SGTB: variants seen among roughly 807,000 people sequenced by gnomAD.
The protein encoded by SGTB is small glutamine-rich tetratricopeptide repeat-containing protein beta.
SGTB carries 19 observed loss-of-function variants against 43.9 expected under a neutral mutation model. The ratio of observed to expected loss-of-function variants is 0.43; its 90% CI spans 0.30 to 0.63. The LOEUF (loss-of-function observed/expected upper bound fraction) is 0.63, where lower values mean the gene tolerates loss of function less well. Among genes scored for constraint, SGTB ranks in the 30% least tolerant of loss-of-function variants. The pLI is 0.12. For missense variants in SGTB, 304 were observed against 358.9 expected, an observed-to-expected ratio of 0.85 and a Z score of 1.24; for synonymous variants, 116 against 117.3, an observed-to-expected ratio of 0.99 and a Z score of 0.07.
chr5:65,670,109 A>G lies in SGTB; in HGVS notation c.*137T>C, dbSNP rs1265988501. ...GATTTATTCTTTAAGAATATACACA[A>G]GAGGTTTTCCTCCATTATTTTCACA... On this transcript the variant is annotated 3_prime_UTR_variant, in exon 11 of 11. Coordinates refer to ENST00000381007, the MANE Select transcript of SGTB (RefSeq NM_019072.3). 2 of 651,000 alleles carry G rather than the reference A, an allele frequency of 3.1e-6. No individual in the cohort carries two copies. The highest frequency in any genetic ancestry group is 5.5e-5 in the East Asian group (2 of 36,642). The allele number at this position is 651,000 out of a possible 1,614,324, so 40.3% of individuals were successfully genotyped here. A position where few individuals can be genotyped will look rare whatever the true frequency, so the allele number is the denominator to read the frequency against.
At chr5:65,713,198 G>A (rs1203476142) in intron 2 of SGTB, 134 bp from the exon 3 acceptor site, 4 of 612,570 alleles carry the variant, frequency 6.5e-6, no homozygotes, top group Non-Finnish European at 1.1e-5. Context: ...CATTGGTTCA[G>A]CTGCAAAGAA....
intron 10 of SGTB, among the ~76,000 whole-genome samples, chr5:65,671,017 T>C (rs1757143937): frequency 6.6e-6 from 1 of 152,216 alleles, no homozygotes; most frequent in African/African-American, 2.4e-5. Context: ...AATGAGAAGA[T>C]GCAAGTAGTT....
chr5:65,688,393 A>C (rs1419744633), intron 5 of SGTB, among the ~76,000 whole-genome samples: 3 of 152,210 alleles, frequency 2.0e-5, no homozygotes, highest in Admixed American at 6.5e-5. Context: ...CAAATGCCTC[A>C]ATCTCATCTC....
rs554513980 is a variant in SGTB at position 65,670,105 on chromosome 5, C to T, written c.*141G>A. ...AACAGATTTATTCTTTAAGAATATA[C>T]ACAAGAGGTTTTCCTCCATTATTTT... is the stretch of plus-strand genomic sequence containing the variant. On this transcript the variant is annotated 3_prime_UTR_variant, in exon 11 of 11. Transcript: ENST00000381007. The T allele has an allele frequency of 7.9e-6, 5 of 634,520 alleles. No homozygotes were observed. In the South Asian group the frequency reaches 8.5e-5, roughly 11 times the overall value. The allele number at this position is 634,520 out of a possible 1,614,324, so 39.3% of individuals were successfully genotyped here.
chr5:65,675,378 T>C (rs1757247414), intron 8 of SGTB, among the ~76,000 whole-genome samples: 1 of 152,206 alleles, frequency 6.6e-6, no homozygotes, highest in East Asian at 1.9e-4. Flanking sequence ...GGACCACTTT[T>C]ATGTAAGAGA....
At chr5:65,704,048 A>AT (rs1757878937) in intron 5 of SGTB, among the ~76,000 whole-genome samples, 7 of 149,024 alleles carry the variant, frequency 4.7e-5, no homozygotes, top group South Asian at 2.1e-4. Context: ...AAAAAAAAAA[A>AT]AAAATAAATA....
intron 5 of SGTB, among the ~76,000 whole-genome samples, chr5:65,697,937 C>G (rs568476780): frequency 8.5e-5 from 13 of 152,244 alleles, no homozygotes; most frequent in Admixed American, 3.3e-4. Flanking sequence ...AAAACCGTTA[C>G]GCTGAGCAAA....
At chr5:65,681,444 A>G (rs1209186447) in intron 6 of SGTB, among the ~76,000 whole-genome samples, 4 of 152,136 alleles carry the variant, frequency 2.6e-5, no homozygotes, top group Non-Finnish European at 5.9e-5. Context: ...GAACTAAACA[A>G]TAACTGTATA....
At chr5:65,704,097 C>T (rs190623069) in intron 5 of SGTB, among the ~76,000 whole-genome samples, 182 bp downstream of exon 5, 2 of 151,154 alleles carry the variant, frequency 1.3e-5, no homozygotes, top group African/African-American at 4.8e-5. Flanking sequence ...ACAAAATATG[C>T]TAACAGATTA....
chr5:65,713,845 T>C (rs1758095227), intron 2 of SGTB, among the ~76,000 whole-genome samples: 1 of 151,986 alleles, frequency 6.6e-6, no homozygotes, highest in African/African-American at 2.4e-5. Flanking sequence ...CTGGGTAACA[T>C]GGCGAAACCC....
At chr5:65,680,037 A>C (rs889795234) in intron 8 of SGTB, among the ~76,000 whole-genome samples, 2 of 152,216 alleles carry the variant, frequency 1.3e-5, no homozygotes, top group African/African-American at 4.8e-5. Context: ...GCTGGAGGCC[A>C]TTTTACCATT....
intron 2 of SGTB, among the ~76,000 whole-genome samples, chr5:65,716,480 C>T (rs1039035836): frequency 6.6e-6 from 1 of 152,160 alleles, no homozygotes; most frequent in Non-Finnish European, 1.5e-5. Context: ...AGAAATAGTT[C>T]AGTCCAGAGG....
rs1554026000 is a variant in SGTB at position 65,707,440 on chromosome 5, A to ACAT, written c.274+1048_274+1049insATG. Among the ~76,000 whole-genome samples, 8 of 126,136 alleles carry ACAT rather than the reference A, an allele frequency of 6.3e-5. 1 individual carries two copies. Among genetic ancestry groups the ACAT allele is most frequent in the Non-Finnish European group, 1.1e-4 (6 of 56,280 alleles). The allele number at this position is 126,136 out of a possible 152,430, so 82.8% of individuals were successfully genotyped here. A position where few individuals can be genotyped will look rare whatever the true frequency, so the allele number is the denominator to read the frequency against. On this transcript the variant is annotated intron_variant, in intron 4 of 10. Coordinates refer to ENST00000381007, the MANE Select transcript of SGTB (RefSeq NM_019072.3). ...CACACACACACACACACACACATATATTTTTTTTTTTTTGAGATGGAGTCT... is the reference window on the plus strand; with the variant it reads ...CACACACACACACACACACACATATACATTTTTTTTTTTTTTGAGATGGAGTCT...
rs1033725726 is a variant in SGTB, at chr5:65,685,479, G to C, written c.375-7C>G. ...TTTGCTCTGAGCAGCAGCCCTAAGA[G>C]AAAGAAAACAGAATTTTATTAAAGG... On this transcript the variant is annotated splice_region_variant and splice_polypyrimidine_tract_variant and intron_variant, in intron 5 of 10. Coordinates refer to ENST00000381007, the MANE Select transcript of SGTB (RefSeq NM_019072.3). 1.8e-5 allele frequency: 29 copies of C among 1,612,444 alleles called. No individual in the cohort carries two copies. Among genetic ancestry groups the C allele is most frequent in the Non-Finnish European group, 2.3e-5 (27 of 1,179,324 alleles).
intron 6 of SGTB, among the ~76,000 whole-genome samples, chr5:65,684,742 G>A (rs1317650772): frequency 3.3e-5 from 5 of 151,886 alleles, no homozygotes; most frequent in Non-Finnish European, 7.4e-5. Context: ...TAGTAGAGAC[G>A]GGGTTTCACC....
intron 5 of SGTB, among the ~76,000 whole-genome samples, chr5:65,701,330 G>C (rs1202611026): frequency 6.6e-6 from 1 of 151,908 alleles, no homozygotes; most frequent in Non-Finnish European, 1.5e-5. Context: ...GTTTCGAATG[G>C]GTTAAAATAG....
intron 5 of SGTB, among the ~76,000 whole-genome samples, 200 bp downstream of exon 5, chr5:65,704,079 T>C (rs1176535631): frequency 1.3e-5 from 2 of 150,648 alleles, no homozygotes; most frequent in Admixed American, 6.6e-5. Flanking sequence ...TAAATAAATT[T>C]ATGTAAGACA....
Position 65,680,567 on chromosome 5 carries a change from A to G in SGTB, c.619-11T>C, listed in dbSNP as rs1274794941. ...CAGTCCAGTTCCTGTCTGTAAAACA[A>G]TTATATCTGAGAATCAGTCCAGTAT... On this transcript the variant is annotated splice_polypyrimidine_tract_variant and intron_variant, in intron 7 of 10. Coordinates refer to ENST00000381007, the MANE Select transcript of SGTB (RefSeq NM_019072.3). 4 of 1,613,964 alleles carry G rather than the reference A, an allele frequency of 2.5e-6. No homozygotes were observed. The highest frequency in any genetic ancestry group is 1.7e-5 in the Admixed American group (1 of 59,994).
intron 2 of SGTB, among the ~76,000 whole-genome samples, chr5:65,719,930 G>A (rs7725407): frequency 0.056 from 8,506 of 152,098 alleles, 301 homozygotes; most frequent in Middle Eastern, 0.088. Context: ...AATGACTCAG[G>A]TATTTTTATA....
Sources: gnomAD v4.1 joint callset for allele counts (sites outside exome capture counted in the v4.1 genomes callset) on GRCh38, gnomAD v4.1.1 for gene constraint, MANE v1.5 for transcripts, NCBI Gene and HGNC (gene_info 2026-07-23, HGNC 2026-07-21) for gene names.